DCC: variants seen among roughly 807,000 people sequenced by gnomAD.
DCC encodes the protein netrin receptor DCC.
A neutral mutation model predicts 172.5 loss-of-function variants in DCC; 58 were observed. The ratio of observed to expected loss-of-function variants is 0.34; its 90% CI spans 0.27 to 0.42. The LOEUF is 0.42. Among genes scored for constraint, DCC ranks in the 10% least tolerant of loss-of-function variants. The pLI, the probability that DCC is intolerant of heterozygous loss-of-function variation, is 1.00. For synonymous variants in DCC, 709 were observed against 644.5 expected (o/e 1.10, Z -1.52); for missense variants, 1,740 against 1,791.0 (o/e 0.97, Z 0.51).
intron 7 of DCC, among the ~76,000 whole-genome samples, chr18:53,089,077 T>G (rs1019831197): frequency 3.3e-5 from 5 of 152,134 alleles, no homozygotes; most frequent in Non-Finnish European, 7.4e-5. Flanking sequence ...TACTCACTTT[T>G]TTGTTGTTGT....
At chr18:52,670,047 A>G (rs7245154) in intron 1 of DCC, among the ~76,000 whole-genome samples, 57,084 of 151,982 alleles carry the variant, frequency 0.38, 10,855 homozygotes, top group Middle Eastern at 0.54. Flanking sequence ...AGCCAACACT[A>G]AGGCTCTGAG....
chr18:52,819,646 G>A (rs1009811108), intron 2 of DCC, among the ~76,000 whole-genome samples: 4 of 151,838 alleles, frequency 2.6e-5, no homozygotes, highest in African/African-American at 9.7e-5. Context: ...TGTTAGTGAG[G>A]TGTGTTGTCT....
chr18:52,427,738 T>C (rs1321777330), intron 1 of DCC, among the ~76,000 whole-genome samples: 1 of 152,070 alleles, frequency 6.6e-6, no homozygotes, highest in African/African-American at 2.4e-5. Context: ...CCAAGTTCTT[T>C]TCCTCTTTTC....
At position 52,683,908 on chromosome 18, in the gene DCC, G is replaced by A. The variant is rs143385664; in HGVS notation, c.92-68146G>A. ...TGAAGAAACAACCAATGGAATCCTCGTATGCAAATCATATGGATGCATTTG... is the reference window on the plus strand; with the variant it reads ...TGAAGAAACAACCAATGGAATCCTCATATGCAAATCATATGGATGCATTTG... On this transcript the variant is annotated intron_variant, in intron 1 of 28. Coordinates refer to ENST00000442544, the MANE Select transcript of DCC (RefSeq NM_005215.4). Among the ~76,000 whole-genome samples the A allele has an allele frequency of 1.0e-3, 154 of 152,140 alleles. 2 individuals are homozygous for A. In the East Asian group the frequency reaches 0.015, roughly 15 times the overall value.
intron 15 of DCC, among the ~76,000 whole-genome samples, chr18:53,360,439 C>A (rs1018475417): frequency 5.3e-5 from 8 of 152,018 alleles, no homozygotes; most frequent in Admixed American, 2.6e-4. Context: ...TTAGAAAAGT[C>A]TTTTAATCAT....
chr18:52,923,345 T>C (rs180967581), intron 3 of DCC, among the ~76,000 whole-genome samples: 7 of 152,274 alleles, frequency 4.6e-5, no homozygotes, highest in African/African-American at 1.2e-4. Context: ...AGAATAGATA[T>C]TGGTGGTAGG....
chr18:52,476,782 A>C (rs986149184), intron 1 of DCC, among the ~76,000 whole-genome samples: 2 of 152,258 alleles, frequency 1.3e-5, no homozygotes, highest in South Asian at 4.1e-4. Flanking sequence ...GTAAGACTTA[A>C]ATTTGGATGG....
At chr18:52,991,260 TTATC>T (rs1454335902) in intron 5 of DCC, among the ~76,000 whole-genome samples, 9 of 152,240 alleles carry the variant, frequency 5.9e-5, no homozygotes, top group Admixed American at 2.0e-4. Flanking sequence ...TTTTTTAAAT[TTATC>T]TTTTTTTGTT....
At chr18:53,052,699 A>G (rs979786499) in intron 5 of DCC, among the ~76,000 whole-genome samples, 2 of 152,102 alleles carry the variant, frequency 1.3e-5, no homozygotes, top group African/African-American at 2.4e-5. Context: ...GCTGGCTAGT[A>G]CTGTCTCCTA....
chr18:53,321,151 AT>A (rs1555652127), intron 13 of DCC, among the ~76,000 whole-genome samples: 2 of 152,214 alleles, frequency 1.3e-5, no homozygotes, highest in Non-Finnish European at 2.9e-5. Flanking sequence ...TTTATTATGC[AT>A]TTTTTTCTTG....
intron 5 of DCC, among the ~76,000 whole-genome samples, chr18:53,011,057 G>A (rs1260799604): frequency 6.6e-6 from 1 of 151,136 alleles, no homozygotes; most frequent in South Asian, 2.1e-4. Flanking sequence ...ATTTATACAA[G>A]GTATTAAATA....
At chr18:52,421,145 C>T (rs753876223) in intron 1 of DCC, among the ~76,000 whole-genome samples, 5 of 152,052 alleles carry the variant, frequency 3.3e-5, no homozygotes, top group Non-Finnish European at 5.9e-5. Context: ...GTTCCTGTGC[C>T]TTGAATTTCA....
intron 5 of DCC, among the ~76,000 whole-genome samples, chr18:53,000,294 A>G (rs1599015497): frequency 6.6e-6 from 1 of 152,126 alleles, no homozygotes. Context: ...TTGTAGGATC[A>G]TATAGTAAGC....
intron 7 of DCC, among the ~76,000 whole-genome samples, chr18:53,094,432 C>G (rs1430454376): frequency 3.9e-5 from 6 of 152,164 alleles, no homozygotes; most frequent in African/African-American, 1.4e-4. Context: ...CACTTTTAGC[C>G]CAATTCTTAC....
At chr18:52,904,646 A>G (rs2039854899) in intron 2 of DCC, among the ~76,000 whole-genome samples, 1 of 152,196 alleles carries the variant, frequency 6.6e-6, no homozygotes, top group African/African-American at 2.4e-5. Flanking sequence ...AGCTTTCTGG[A>G]CAAAATTTAA....
chr18:52,784,314 T>C (rs527992224), intron 2 of DCC, among the ~76,000 whole-genome samples: 28 of 152,210 alleles, frequency 1.8e-4, no homozygotes, highest in Admixed American at 5.2e-4. Flanking sequence ...CTTTATCCAT[T>C]TACTCGATGG....
At chr18:53,482,483 C>T (rs1297057492) in intron 25 of DCC, among the ~76,000 whole-genome samples, 2 of 152,216 alleles carry the variant, frequency 1.3e-5, no homozygotes, top group East Asian at 3.9e-4. Flanking sequence ...GTGCTCTCAG[C>T]ACTCTAACTA....
intron 5 of DCC, among the ~76,000 whole-genome samples, chr18:52,979,162 T>A (rs2041167517): frequency 6.6e-6 from 1 of 152,052 alleles, no homozygotes. Context: ...TTGGAAGAGA[T>A]GGAACACACT....
intron 2 of DCC, among the ~76,000 whole-genome samples, chr18:52,873,056 A>G (rs553671028): frequency 2.6e-5 from 4 of 152,358 alleles, no homozygotes; most frequent in South Asian, 4.1e-4. Flanking sequence ...AATGCTGTCA[A>G]TCTCACAATT....
Sources: allele counts gnomAD v4.1 joint callset (sites outside exome capture counted in the v4.1 genomes callset), GRCh38; gene constraint gnomAD v4.1.1; transcripts MANE v1.5; gene names NCBI Gene and HGNC (gene_info 2026-07-23, HGNC 2026-07-21).